Variants in PCDHA1 observed in about 807,000 individuals in gnomAD.
PCDHA1 encodes the protein protocadherin alpha-1.
PCDHA1 carries 42 observed loss-of-function variants against 61.3 expected under a neutral mutation model. The observed-to-expected ratio is 0.69, with a 90% CI of 0.54 to 0.89. The LOEUF (loss-of-function observed/expected upper bound fraction) is 0.89. Ranked by LOEUF, PCDHA1 falls within the 40% of genes least tolerant of loss-of-function variation. The probability of loss-of-function intolerance (pLI) is 0.00; values close to 1 mark genes in which losing one functional copy is unlikely to be tolerated. For synonymous variants in PCDHA1, 610 were observed against 553.8 expected (o/e 1.10, Z -1.43); for missense variants, 1,256 against 1,235.3 (o/e 1.02, Z -0.25).
At chr5:140,882,376 C>G in intron 1 of PCDHA1, 1 of 1,614,190 alleles carries the variant, frequency 6.2e-7, no homozygotes, top group South Asian at 1.1e-5. Context: ...ACTCCGTCCC[C>G]GAGGAAGCAA....
intron 1 of PCDHA1, chr5:140,877,868 T>G: frequency 6.7e-7 from 1 of 1,488,916 alleles, no homozygotes; most frequent in Non-Finnish European, 8.9e-7. Context: ...TTAGATATAT[T>G]TGTTTCCTTG....
At chr5:140,802,268 A>G in intron 1 of PCDHA1, 1 of 1,614,206 alleles carries the variant, frequency 6.2e-7, no homozygotes. Context: ...CACTATCTTT[A>G]CCTGTATTAG....
chr5:140,953,045 C>A (rs1414124229), intron 1 of PCDHA1, among the ~76,000 whole-genome samples: 2 of 152,288 alleles, frequency 1.3e-5, no homozygotes, highest in Admixed American at 6.5e-5. Flanking sequence ...CCCCATGATC[C>A]AATCACCTCT....
chr5:140,967,024 T>G, intron 1 of PCDHA1: 1 of 1,608,238 alleles, frequency 6.2e-7, no homozygotes, highest in Non-Finnish European at 8.5e-7. Flanking sequence ...GTGCGCCCAG[T>G]CCGCGCTACC....
chr5:140,869,144 T>A, intron 1 of PCDHA1: 1 of 1,613,654 alleles, frequency 6.2e-7, no homozygotes, highest in Non-Finnish European at 8.5e-7. Context: ...ACCCCACGAC[T>A]ACAGCTCTGG....
intron 1 of PCDHA1, among the ~76,000 whole-genome samples, chr5:140,840,345 T>C (rs2150306031): frequency 3.9e-5 from 6 of 151,972 alleles, no homozygotes; most frequent in Non-Finnish European, 7.4e-5. Flanking sequence ...TGTTAGGGTA[T>C]ACAGGTAAAA....
intron 1 of PCDHA1, chr5:140,849,157 A>T: frequency 8.3e-7 from 1 of 1,209,676 alleles, no homozygotes; most frequent in Non-Finnish European, 1.1e-6. Flanking sequence ...GGCAAACCCG[A>T]GCTGACTGGC....
At chr5:140,836,514 T>C in intron 1 of PCDHA1, 2 of 1,613,848 alleles carry the variant, frequency 1.2e-6, no homozygotes, top group Non-Finnish European at 1.7e-6. Flanking sequence ...GTCCAGTCTG[T>C]TGGTGCTTAC....
intron 3 of PCDHA1, among the ~76,000 whole-genome samples, chr5:140,998,221 C>G (rs1478098925): frequency 1.3e-5 from 2 of 152,160 alleles, no homozygotes; most frequent in Non-Finnish European, 2.9e-5. Flanking sequence ...TAACCACACC[C>G]AGAAATTTGT....
chr5:140,857,437 G>A (rs1554150030), intron 1 of PCDHA1: 2 of 1,598,552 alleles, frequency 1.3e-6, no homozygotes, highest in East Asian at 4.5e-5. Context: ...CGGTGTTCGT[G>A]AAGGAGAACA....
chr5:140,980,695 G>A (rs1403740157), intron 2 of PCDHA1, among the ~76,000 whole-genome samples: 1 of 149,792 alleles, frequency 6.7e-6, no homozygotes, highest in Non-Finnish European at 1.5e-5. Context: ...AAAAAAAAAA[G>A]CCAAATGTGC....
At chr5:140,848,694 G>A (rs2150417748) in intron 1 of PCDHA1, 1 of 1,592,460 alleles carries the variant, frequency 6.3e-7, no homozygotes, top group Admixed American at 1.7e-5. Context: ...GTTCCAGTTG[G>A]ATTCCAAAGG....
rs375652776 is a variant in PCDHA1, at chr5:140,968,862, G to A, written c.2395-10087G>A. The A allele has an allele frequency of 1.9e-5, 31 of 1,614,126 alleles. No individual in the cohort carries two copies. The highest frequency in any genetic ancestry group is 1.5e-4 in the South Asian group (14 of 91,062). The stretch of plus-strand genomic sequence containing the variant: ...ACTCAGAGGCATGTTAAGAGCCCTC[G>A]GACATACTCTGAAATTACCCTTTAT... On this transcript the variant is annotated intron_variant, in intron 1 of 3. Transcript: ENST00000504120.
chr5:140,952,952 G>C (rs1477546132), intron 1 of PCDHA1, among the ~76,000 whole-genome samples: 1 of 151,924 alleles, frequency 6.6e-6, no homozygotes, highest in Non-Finnish European at 1.5e-5. Context: ...GAGAGAAGGG[G>C]GAAGTGATAC....
intron 1 of PCDHA1, chr5:140,928,696 C>G: frequency 6.2e-7 from 1 of 1,614,146 alleles, no homozygotes. Flanking sequence ...CCACATCTCC[C>G]GGGCGTCTGA....
At chr5:140,853,910 T>G (rs2042903621) in intron 1 of PCDHA1, 1 of 948,962 alleles carries the variant, frequency 1.1e-6, no homozygotes, top group Non-Finnish European at 1.3e-6. Context: ...GCCTGACACC[T>G]GCAATCCCAA....
At chr5:140,821,675 A>G in intron 1 of PCDHA1, 2 of 1,308,536 alleles carry the variant, frequency 1.5e-6, no homozygotes, top group South Asian at 3.0e-5. Context: ...GAAGCTCAGA[A>G]AGGCGATAAT....
At chr5:140,979,169 A>T (rs2096837685) in intron 2 of PCDHA1, 162 bp downstream of exon 2, 1 of 966,312 alleles carries the variant, frequency 1.0e-6, no homozygotes, top group Admixed American at 6.2e-5. Context: ...TCCTTGAAAG[A>T]TCGCAAATGG....
At chr5:140,987,296 A>G (rs782162576) in intron 3 of PCDHA1, among the ~76,000 whole-genome samples, 1 of 152,126 alleles carries the variant, frequency 6.6e-6, no homozygotes, top group African/African-American at 2.4e-5. Context: ...CAAGCCTTCT[A>G]TGTGATACCA....
Sources: gnomAD v4.1 joint callset for allele counts (sites outside exome capture counted in the v4.1 genomes callset) on GRCh38, gnomAD v4.1.1 for gene constraint, MANE v1.5 for transcripts, NCBI Gene and HGNC (gene_info 2026-07-23, HGNC 2026-07-21) for gene names.